The following ITGA2 variants were observed in gnomAD, a reference collection of about 807,000 sequenced individuals.
The protein encoded by ITGA2 is integrin subunit alpha 2.
Under a neutral mutation model 146.3 loss-of-function variants are expected in ITGA2, and 101 were observed. The observed-to-expected ratio is 0.69, with a 90% CI of 0.59 to 0.81. ITGA2 has a LOEUF of 0.81. ITGA2 is among the 40% of genes least tolerant of loss of function. The pLI is 0.00. For missense variants in ITGA2, 1,281 were observed against 1,402.7 expected (o/e 0.91, Z 1.39); for synonymous variants, 477 against 487.1 (o/e 0.98, Z 0.27).
intron 1 of ITGA2, among the ~76,000 whole-genome samples, chr5:52,990,639 C>T (rs1390327813): frequency 6.6e-6 from 1 of 151,116 alleles, no homozygotes; most frequent in Non-Finnish European, 1.5e-5. Flanking sequence ...TGACATTCAG[C>T]CACTTGCTAT....
chr5:53,089,876 A>C, intron 28 of ITGA2, 70 bp from the exon 29 acceptor site: 1 of 903,928 alleles, frequency 1.1e-6, no homozygotes. Flanking sequence ...AGAATTAGAG[A>C]ATTGGACTAG....
chr5:53,054,700 A>C (rs1485712856), intron 7 of ITGA2, among the ~76,000 whole-genome samples: 1 of 152,154 alleles, frequency 6.6e-6, no homozygotes, highest in East Asian at 1.9e-4. Flanking sequence ...GGTCTCCATC[A>C]AAGTAAAAAA....
In ITGA2 at chr5:53,094,480, T is replaced by C. The variant is rs1482917868; in HGVS notation, c.*3881T>C. On this transcript the variant is annotated 3_prime_UTR_variant, in exon 30 of 30. Transcript: ENST00000296585. ...AAATTGTCTTGGATATTTTCCTTTA[T>C]ACATAATAGATAAGTCTTTTTTCAA... 6.6e-6 allele frequency: 1 copy of C among 152,210 alleles called. No homozygotes were observed. The highest frequency in any genetic ancestry group is 1.9e-4 in the East Asian group (1 of 5,194). 9.4% of individuals were successfully genotyped at this position (152,210 alleles called of 1,614,324 possible). A position where few individuals can be genotyped will look rare whatever the true frequency, so the allele number is the denominator to read the frequency against.
intron 24 of ITGA2, 120 bp from the exon 25 acceptor site, chr5:53,080,391 T>C (rs1745862904): frequency 1.3e-6 from 1 of 787,760 alleles, no homozygotes; most frequent in Non-Finnish European, 2.3e-6. Flanking sequence ...ATGGCTGACT[T>C]TCATTTGGAC....
chr5:53,081,439 T>C (rs891044907), intron 25 of ITGA2, among the ~76,000 whole-genome samples, 153 bp from the exon 26 acceptor site: 1 of 152,114 alleles, frequency 6.6e-6, no homozygotes, highest in African/African-American at 2.4e-5. Flanking sequence ...CACCTAGAGA[T>C]TATATGAAGT....
chr5:53,078,922 G>GA (rs749129719), intron 24 of ITGA2, 48 bp downstream of exon 24: 28 of 988,270 alleles, frequency 2.8e-5, no homozygotes, highest in Middle Eastern at 4.1e-4. Context: ...AAAGTGAGAA[G>GA]AAAAAAAATG....
At position 53,070,268 on chromosome 5, in the gene ITGA2, C is replaced by T. The variant is rs763055936; in HGVS notation, c.2235+8C>T. On this transcript the variant is annotated splice_region_variant and intron_variant, in intron 17 of 29. Transcript: ENST00000296585. The stretch of plus-strand genomic sequence containing the variant: ...CACATCATTTATATACAGGTAAGGC[C>T]TCAGGAACATCCCTTTTGACTTTAT... 1.9e-6 allele frequency: 3 copies of T among 1,611,024 alleles called. No homozygotes were observed. Among genetic ancestry groups the T allele is most frequent in the Admixed American group, 3.3e-5 (2 of 59,800 alleles).
chr5:53,070,149 A>C lies in ITGA2; in HGVS notation c.2124A>C (p.Ser708=), dbSNP rs1177311615. The C allele has an allele frequency of 8.7e-6, 14 of 1,611,578 alleles. No homozygotes were observed. The Admixed American group carries it at 2.0e-4, about 23-fold the overall frequency. Residue 708 remains serine (S), a synonymous_variant, in exon 17 of 30, where the codon TCA becomes TCC. Transcript: ENST00000296585. ...TCACACTTGATGCAGATGGATTTTC[A>C]TCCAGAGTAACCTCCAGGGGGTTAT... The part of the protein sequence containing the change: ...YNITLDADGF[S]SRVTSRGLFK...
chr5:53,028,657 A>G (rs1487533635), intron 2 of ITGA2, among the ~76,000 whole-genome samples: 1 of 152,182 alleles, frequency 6.6e-6, no homozygotes, highest in Non-Finnish European at 1.5e-5. Flanking sequence ...CAACATCTCC[A>G]CTTTAATGCC....
intron 21 of ITGA2, 72 bp from the exon 22 acceptor site, chr5:53,074,989 A>C: frequency 9.8e-7 from 1 of 1,015,872 alleles, no homozygotes. Context: ...TTTTATGAGA[A>C]ACATTTTTTT....
At chr5:53,053,884 T>C (rs1243933377) in intron 7 of ITGA2, among the ~76,000 whole-genome samples, 1 of 152,182 alleles carries the variant, frequency 6.6e-6, no homozygotes, top group Non-Finnish European at 1.5e-5. Context: ...AGTTGCAGTT[T>C]ATTGTTTTAA....
chr5:53,062,086 T>G (rs3212685), intron 12 of ITGA2, among the ~76,000 whole-genome samples: 1 of 151,964 alleles, frequency 6.6e-6, no homozygotes, highest in Non-Finnish European at 1.5e-5. Flanking sequence ...GTTCAAAGTC[T>G]CAGCTTTTCT....
Position 53,091,933 on chromosome 5 carries a change from G to A in ITGA2, c.*1334G>A, listed in dbSNP as rs1182037549. The A allele has an allele frequency of 6.6e-6, 1 of 152,202 alleles. No homozygotes were observed. The highest frequency in any genetic ancestry group is 1.9e-4 in the East Asian group (1 of 5,194). 9.4% of individuals were successfully genotyped at this position (152,202 alleles called of 1,614,324 possible). ...CAGGTGCACCTTCTGTGGCTGTCTT[G>A]TTTCTGAAGTACTTAAACTTCCACA... On this transcript the variant is annotated 3_prime_UTR_variant, in exon 30 of 30. Transcript: ENST00000296585.
intron 1 of ITGA2, among the ~76,000 whole-genome samples, chr5:53,002,353 T>C (rs893818180): frequency 6.6e-6 from 1 of 152,068 alleles, no homozygotes; most frequent in African/African-American, 2.4e-5. Context: ...TTTATAAAGT[T>C]GAATATTTAA....
chr5:53,071,699 T>C (rs1489636460), intron 17 of ITGA2, among the ~76,000 whole-genome samples: 8 of 151,954 alleles, frequency 5.3e-5, no homozygotes, highest in Non-Finnish European at 8.8e-5. Flanking sequence ...TGCTTCAAAT[T>C]CTTACTAGAC....
At chr5:53,010,771 G>C (rs1448152139) in intron 1 of ITGA2, among the ~76,000 whole-genome samples, 1 of 152,170 alleles carries the variant, frequency 6.6e-6, no homozygotes, top group East Asian at 1.9e-4. Context: ...CTCCCAAAAA[G>C]ATATGTCCAT....
chr5:53,071,316 C>A (rs3212578), intron 17 of ITGA2, among the ~76,000 whole-genome samples: 2 of 151,848 alleles, frequency 1.3e-5, no homozygotes, highest in Non-Finnish European at 2.9e-5. Flanking sequence ...TCAGATTATA[C>A]ATGCAATCCC....
chr5:53,089,856 C>A, intron 28 of ITGA2, 90 bp from the exon 29 acceptor site: 1 of 815,298 alleles, frequency 1.2e-6, no homozygotes, highest in South Asian at 1.3e-5. Flanking sequence ...AGCTGTAGAC[C>A]TTCACTTACA....
chr5:53,009,303 C>T (rs1742010229), intron 1 of ITGA2, among the ~76,000 whole-genome samples: 1 of 152,058 alleles, frequency 6.6e-6, no homozygotes, highest in African/African-American at 2.4e-5. Flanking sequence ...ATTACCTTAT[C>T]TGGAAAGAGG....
Sources: allele counts gnomAD v4.1 joint callset (sites outside exome capture counted in the v4.1 genomes callset), GRCh38; gene constraint gnomAD v4.1.1; transcripts MANE v1.5; gene names NCBI Gene and HGNC (gene_info 2026-07-23, HGNC 2026-07-21).